Variants in LRRIQ3 observed in about 807,000 individuals in gnomAD.
LRRIQ3 encodes leucine rich repeats and IQ motif containing 3, also known as leucine-rich repeat and IQ domain-containing protein 3.
LRRIQ3 carries 75 observed loss-of-function variants against 59.3 expected under a neutral mutation model. That is an observed-to-expected ratio of 1.26 (90% CI 1.05 to 1.53). The LOEUF (loss-of-function observed/expected upper bound fraction) is 1.53. LRRIQ3 is among the 40% of genes most tolerant of loss of function. LRRIQ3 has a pLI of 0.00. For missense variants in LRRIQ3, 831 were observed against 710.0 expected, an observed-to-expected ratio of 1.17 and a Z score of -1.94; for synonymous variants, 250 against 231.3, an observed-to-expected ratio of 1.08 and a Z score of -0.73.
At chr1:74,156,238 C>T (rs1490791668) in intron 3 of LRRIQ3, among the ~76,000 whole-genome samples, 2 of 152,104 alleles carry the variant, frequency 1.3e-5, no homozygotes, top group African/African-American at 2.4e-5. Flanking sequence ...ACTTGCCTGC[C>T]TCCCATTCAC....
intron 5 of LRRIQ3, among the ~76,000 whole-genome samples, chr1:74,078,018 C>T (rs772247889): frequency 2.0e-5 from 3 of 151,834 alleles, no homozygotes; most frequent in Non-Finnish European, 2.9e-5. Flanking sequence ...TATTTGGTAG[C>T]ACTTAGTAAA....
chr1:74,146,102 A>T (rs1647549912), intron 4 of LRRIQ3, among the ~76,000 whole-genome samples: 1 of 152,132 alleles, frequency 6.6e-6, no homozygotes, highest in Non-Finnish European at 1.5e-5. Context: ...CAAATACGCT[A>T]TACCACCTAA....
intron 5 of LRRIQ3, chr1:74,084,144 T>A: frequency 1.3e-6 from 2 of 1,541,268 alleles, no homozygotes; most frequent in Non-Finnish European, 1.8e-6. Context: ...ATAATTCCTT[T>A]TGGCACTGAT....
intron 4 of LRRIQ3, among the ~76,000 whole-genome samples, chr1:74,112,996 G>A (rs1003360330): frequency 3.3e-5 from 5 of 151,874 alleles, no homozygotes; most frequent in African/African-American, 9.7e-5. Flanking sequence ...GACAACAGGC[G>A]AAACAAAGAC....
intron 4 of LRRIQ3, among the ~76,000 whole-genome samples, chr1:74,154,237 TCTCAAAAAAAAAAAAAAAAAAAA>T (rs1648172112): frequency 2.2e-5 from 1 of 44,570 alleles, no homozygotes; most frequent in Admixed American, 4.2e-4. Context: ...CGAGACTCCT[TCTCAAAAAAAAAAAAAAAAAAAA>T]AAAAAAAAAA....
chr1:74,030,378 A>C (rs1341724100), intron 7 of LRRIQ3, among the ~76,000 whole-genome samples: 1 of 152,170 alleles, frequency 6.6e-6, no homozygotes, highest in African/African-American at 2.4e-5. Context: ...AGGCTACAGT[A>C]ACCAAAACAG....
intron 6 of LRRIQ3, among the ~76,000 whole-genome samples, chr1:74,042,811 G>C (rs1654087003): frequency 6.6e-6 from 1 of 151,962 alleles, no homozygotes; most frequent in Admixed American, 6.6e-5. Context: ...CTTTTTAATA[G>C]AGTGTGAACA....
At chr1:74,128,818 A>G (rs899188927) in intron 4 of LRRIQ3, among the ~76,000 whole-genome samples, 1 of 152,122 alleles carries the variant, frequency 6.6e-6, no homozygotes, top group African/African-American at 2.4e-5. Context: ...TATATACATT[A>G]GGGGGCAACC....
chr1:74,178,859 A>C (rs368001083), intron 3 of LRRIQ3, among the ~76,000 whole-genome samples: 38 of 152,210 alleles, frequency 2.5e-4, no homozygotes, highest in African/African-American at 8.2e-4. Flanking sequence ...TTTTGTTCTC[A>C]TCAATCCCTT....
chr1:74,196,632 T>C (rs1651160595), intron 1 of LRRIQ3, among the ~76,000 whole-genome samples: 2 of 152,208 alleles, frequency 1.3e-5, no homozygotes, highest in African/African-American at 4.8e-5. Flanking sequence ...TTACCCATCT[T>C]AATTGATGGC....
At chr1:74,124,804 T>C (rs1387599652) in intron 4 of LRRIQ3, among the ~76,000 whole-genome samples, 1 of 151,866 alleles carries the variant, frequency 6.6e-6, no homozygotes. Flanking sequence ...ATTCCTCCTG[T>C]TTTGTTCTTC....
rs1653507256 is a variant in LRRIQ3 at position 74,026,137 on chromosome 1, G to T, written c.*676C>A. On this transcript the variant is annotated 3_prime_UTR_variant, in exon 8 of 8. Coordinates refer to ENST00000354431, the MANE Select transcript of LRRIQ3 (RefSeq NM_001105659.2). ...ATGATTCCAATATATAATTATATGG[G>T]TTGTCTCTTGCTTCTCTCCTCTGTC... 6.6e-6 allele frequency: 1 copy of T among 151,816 alleles called. No individual in the cohort carries two copies. The highest frequency in any genetic ancestry group is 2.4e-5 in the African/African-American group (1 of 41,354). 9.4% of individuals were successfully genotyped at this position (151,816 alleles called of 1,614,324 possible).
intron 6 of LRRIQ3, among the ~76,000 whole-genome samples, chr1:74,045,243 C>A (rs1443057413): frequency 1.3e-5 from 2 of 152,124 alleles, no homozygotes; most frequent in Non-Finnish European, 2.9e-5. Context: ...TCCAGCAGCA[C>A]ATCAAAAAGC....
chr1:74,160,388 A>T (rs1648590652), intron 3 of LRRIQ3, among the ~76,000 whole-genome samples: 1 of 152,074 alleles, frequency 6.6e-6, no homozygotes, highest in African/African-American at 2.4e-5. Context: ...AGAAATATAA[A>T]TACTTCTGCA....
chr1:74,171,361 G>A (rs529451151), intron 3 of LRRIQ3, among the ~76,000 whole-genome samples: 1 of 152,098 alleles, frequency 6.6e-6, no homozygotes, highest in Non-Finnish European at 1.5e-5. Flanking sequence ...CATAAAAGGT[G>A]TTGAATTTTT....
intron 6 of LRRIQ3, among the ~76,000 whole-genome samples, chr1:74,049,421 T>G (rs1570027327): frequency 6.6e-6 from 1 of 152,242 alleles, no homozygotes; most frequent in African/African-American, 2.4e-5. Context: ...GTGGCCCAGG[T>G]AAGATTTTAT....
intron 5 of LRRIQ3, among the ~76,000 whole-genome samples, chr1:74,095,336 C>T (rs1449919327): frequency 6.6e-6 from 1 of 152,108 alleles, no homozygotes; most frequent in East Asian, 1.9e-4. Flanking sequence ...GTTTACATCG[C>T]TATTAGGGAT....
intron 1 of LRRIQ3, among the ~76,000 whole-genome samples, chr1:74,184,945 CT>C (rs1240598131): frequency 6.6e-6 from 1 of 152,114 alleles, no homozygotes; most frequent in African/African-American, 2.4e-5. Flanking sequence ...TTAAAGAAAG[CT>C]TAAATTTAAG....
At chr1:74,119,388 C>A (rs1451797047) in intron 4 of LRRIQ3, among the ~76,000 whole-genome samples, 1 of 151,890 alleles carries the variant, frequency 6.6e-6, no homozygotes, top group Admixed American at 6.6e-5. Flanking sequence ...TTTTTTCTGA[C>A]TCATTTTTCT....
Sources: gnomAD v4.1 joint callset for allele counts (sites outside exome capture counted in the v4.1 genomes callset) on GRCh38, gnomAD v4.1.1 for gene constraint, MANE v1.5 for transcripts, NCBI Gene and HGNC (gene_info 2026-07-23, HGNC 2026-07-21) for gene names.